RIMKLA: variants seen among roughly 807,000 people sequenced by gnomAD.
The protein encoded by RIMKLA is N-acetylaspartylglutamate synthase A.
RIMKLA carries 14 observed loss-of-function variants against 32.7 expected under a neutral mutation model. The ratio of observed to expected loss-of-function variants is 0.43; its 90% CI spans 0.28 to 0.67. The LOEUF (loss-of-function observed/expected upper bound fraction) is 0.67. RIMKLA is among the 30% of genes least tolerant of loss of function. The pLI is 0.18. For synonymous variants in RIMKLA, 176 were observed against 204.1 expected (o/e 0.86, Z 1.18); for missense variants, 410 against 519.0 (o/e 0.79, Z 2.04).
intron 1 of RIMKLA, 82 bp downstream of exon 1, chr1:42,381,179 T>TCCCGCAGCAGAGTCTCCTTCGGGCCC: frequency 9.2e-7 from 1 of 1,089,700 alleles, no homozygotes; most frequent in Non-Finnish European, 1.2e-6. Context: ...TCGCCGGGCC[T>TCCCGCAGCAGAGTCTCCTTCGGGCCC]CCCGCAGCAG....
At chr1:42,407,585 A>G (rs1643158730) in intron 3 of RIMKLA, among the ~76,000 whole-genome samples, 1 of 152,190 alleles carries the variant, frequency 6.6e-6, no homozygotes. Flanking sequence ...GAGCCTGTTC[A>G]TTCCCCCACT....
intron 4 of RIMKLA, 22 bp from the exon 5 acceptor site, chr1:42,414,462 C>T: frequency 6.2e-7 from 1 of 1,610,496 alleles, no homozygotes; most frequent in Non-Finnish European, 8.5e-7. Context: ...GTCACCTTTA[C>T]ATCACTGTGC....
intron 1 of RIMKLA, among the ~76,000 whole-genome samples, chr1:42,385,842 T>TC (rs1557749905): frequency 0.032 from 2,057 of 63,584 alleles, 345 homozygotes; most frequent in East Asian, 0.095. Flanking sequence ...CTTTCTTTCT[T>TC]TCTCTTTCTT....
In RIMKLA at chr1:42,380,982, CT is replaced by C; in HGVS notation, c.49del (p.Tyr17ThrfsTer42). 1 of 1,453,022 alleles carries C rather than the reference CT, an allele frequency of 6.9e-7. No homozygotes were observed. The highest frequency in any genetic ancestry group is 9.1e-7 in the Non-Finnish European group (1 of 1,102,894). 90.0% of individuals were successfully genotyped at this position (1,453,022 alleles called of 1,614,324 possible). On this transcript the variant is annotated frameshift_variant, in exon 1 of 5. Transcript: ENST00000431473. LOFTEE classifies it high-confidence loss of function. Reference protein sequence around the residue: ...FLTDRRIREDYPQVQILRALR... With the variant: ...FLTDRRIREDXPQVQILRALR... ...TGACGGACCGGCGCATCCGCGAGGA[CT>C]ACCCGCAGGTGCAGATCCTGCGCGC...
Position 42,385,840 on chromosome 1 carries a change from CTT to C in RIMKLA, c.163+4745_163+4746del, listed in dbSNP as rs56183304. ...CCTTCCTTCCTTCCTTTCTTTCTTT[CTT>C]TCTCTTTCTTTCTTTCTTTCTTTCT... is the stretch of plus-strand genomic sequence containing the variant. On this transcript the variant is annotated intron_variant, in intron 1 of 4. Coordinates refer to ENST00000431473, the MANE Select transcript of RIMKLA (RefSeq NM_173642.4). 6.3e-3 allele frequency among the ~76,000 whole-genome samples: 407 copies of C among 64,668 alleles called. 31 individuals are homozygous for C. The highest frequency in any genetic ancestry group is 0.026 in the East Asian group (88 of 3,440). 42.4% of individuals were successfully genotyped at this position (64,668 alleles called of 152,430 possible).
chr1:42,392,080 C>G (rs950767188), intron 1 of RIMKLA, among the ~76,000 whole-genome samples: 3 of 152,150 alleles, frequency 2.0e-5, no homozygotes, highest in African/African-American at 7.2e-5. Flanking sequence ...GATGCAATGT[C>G]TTACTATTGA....
At chr1:42,411,681 TA>T (rs1643199933) in intron 4 of RIMKLA, among the ~76,000 whole-genome samples, 1 of 106,456 alleles carries the variant, frequency 9.4e-6, no homozygotes, top group African/African-American at 3.4e-5. Flanking sequence ...TTTATTTATT[TA>T]TTTATTTTTG....
chr1:42,385,362 A>G (rs1460565849), intron 1 of RIMKLA, among the ~76,000 whole-genome samples: 1 of 152,182 alleles, frequency 6.6e-6, no homozygotes, highest in East Asian at 1.9e-4. Context: ...AGAAACAAGT[A>G]TAGTCACAAA....
At position 42,414,861 on chromosome 1, in the gene RIMKLA, C is replaced by T. The variant is rs140250649; in HGVS notation, c.1063C>T (p.Leu355=). 7.4e-6 allele frequency: 12 copies of T among 1,614,096 alleles called. No homozygotes were observed. The South Asian group carries it at 1.3e-4, about 18-fold the overall frequency. ...TACCTCTAGTGAAAGTGAGCCTGAA[C>T]TGGGAGAGATCCGGGATTCCTCAGC... The part of the protein sequence containing the change: ...GSTSSESEPE[L]GEIRDSSAST... The change falls in exon 5 of 5, where the codon CTG becomes TTG. Residue 355 remains leucine, a synonymous_variant. Transcript: ENST00000431473.
Position 42,422,148 on chromosome 1 carries a change from G to C in RIMKLA, c.*7174G>C, listed in dbSNP as rs966891771. 4 of 152,252 alleles carry C rather than the reference G, an allele frequency of 2.6e-5. No homozygotes were observed. Among genetic ancestry groups the C allele is most frequent in the African/African-American group, 9.6e-5 (4 of 41,472 alleles). The allele number at this position is 152,252 out of a possible 1,614,324, so 9.4% of individuals were successfully genotyped here. A position where few individuals can be genotyped will look rare whatever the true frequency, so the allele number is the denominator to read the frequency against. Reference sequence around the variant, plus strand: ...TACACGTGAGCACTGAAACATCTTAGTTCCAGGGAGGTAGCATTTGTGTTG... The same window carrying C: ...TACACGTGAGCACTGAAACATCTTACTTCCAGGGAGGTAGCATTTGTGTTG... On this transcript the variant is annotated 3_prime_UTR_variant, in exon 5 of 5. Coordinates refer to ENST00000431473, the MANE Select transcript of RIMKLA (RefSeq NM_173642.4).
At chr1:42,385,735 C>CT (rs748336108) in intron 1 of RIMKLA, among the ~76,000 whole-genome samples, 1 of 90,136 alleles carries the variant, frequency 1.1e-5, no homozygotes, top group Non-Finnish European at 2.2e-5. Flanking sequence ...TTCTTTCTTT[C>CT]TTTCTTTCTT....
At position 42,423,319 on chromosome 1, in the gene RIMKLA, C is replaced by T. The variant is rs924068875; in HGVS notation, c.*8345C>T. ...CTTTCTTCTTCTCTTACATGAAAAT[C>T]GTCAAACTACACAAAAGTGGAGAGA... On this transcript the variant is annotated 3_prime_UTR_variant, in exon 5 of 5. Coordinates refer to ENST00000431473, the MANE Select transcript of RIMKLA (RefSeq NM_173642.4). Among the ~76,000 whole-genome samples, 5 of 152,166 alleles carry T rather than the reference C, an allele frequency of 3.3e-5. No individual in the cohort carries two copies. Among genetic ancestry groups the T allele is most frequent in the African/African-American group, 7.2e-5 (3 of 41,438 alleles).
chr1:42,410,795 A>G (rs7412080), intron 4 of RIMKLA, among the ~76,000 whole-genome samples: 2,991 of 151,814 alleles, frequency 0.02, 100 homozygotes, highest in African/African-American at 0.067. Flanking sequence ...GCTATTGTCA[A>G]CCTCACTGAA....
At chr1:42,405,012 C>T (rs1404302510) in intron 3 of RIMKLA, among the ~76,000 whole-genome samples, 1 of 152,208 alleles carries the variant, frequency 6.6e-6, no homozygotes, top group African/African-American at 2.4e-5. Context: ...TTGCAGCTGT[C>T]TCTGGCCACA....
rs1451288696 is a variant in RIMKLA at position 42,417,298 on chromosome 1, TAGAAGTGG to T, written c.*2329_*2336del. The T allele has an allele frequency of 6.6e-6, 1 of 152,258 alleles. No homozygotes were observed. Among genetic ancestry groups the T allele is most frequent in the Non-Finnish European group, 1.5e-5 (1 of 68,072 alleles). The allele number at this position is 152,258 out of a possible 1,614,324, so 9.4% of individuals were successfully genotyped here. ...TTCATTGCCTGGCACTAGCCCTGTCTAGAAGTGGAGAAAGCTGGATCACAGCTGGACCA... is the reference window on the plus strand; with the variant it reads ...TTCATTGCCTGGCACTAGCCCTGTCTAGAAAGCTGGATCACAGCTGGACCA... On this transcript the variant is annotated 3_prime_UTR_variant, in exon 5 of 5. Coordinates refer to ENST00000431473, the MANE Select transcript of RIMKLA (RefSeq NM_173642.4).
At chr1:42,383,579 G>GA (rs1357955099) in intron 1 of RIMKLA, among the ~76,000 whole-genome samples, 5 of 150,770 alleles carry the variant, frequency 3.3e-5, no homozygotes, top group Admixed American at 6.6e-5. Flanking sequence ...AGTATTTCTC[G>GA]AAAAAAAAAT....
At chr1:42,414,454 C>T in intron 4 of RIMKLA, 30 bp from the exon 5 acceptor site, 1 of 1,605,356 alleles carries the variant, frequency 6.2e-7, no homozygotes, top group South Asian at 1.1e-5. Flanking sequence ...TCTCAGTTGT[C>T]ACCTTTACAT....
At chr1:42,407,960 C>T (rs961186033) in intron 3 of RIMKLA, among the ~76,000 whole-genome samples, 5 of 152,110 alleles carry the variant, frequency 3.3e-5, no homozygotes, top group African/African-American at 7.2e-5. Context: ...CTTCTGTACC[C>T]GAAACCAAGA....
chr1:42,408,040 T>C lies in RIMKLA; in HGVS notation c.482-1944T>C, dbSNP rs188179881. 2.0e-5 allele frequency among the ~76,000 whole-genome samples: 3 copies of C among 152,318 alleles called. No homozygotes were observed. The East Asian group carries it at 5.8e-4, about 29-fold the overall frequency. On this transcript the variant is annotated intron_variant, in intron 3 of 4. Coordinates refer to ENST00000431473, the MANE Select transcript of RIMKLA (RefSeq NM_173642.4). ...CCTAATGTCCGGAGAACCCAGTGCA[T>C]ATACCTGAATCCCAGCCATCTGTTG...
Sources: gnomAD v4.1 joint callset for allele counts (sites outside exome capture counted in the v4.1 genomes callset) on GRCh38, gnomAD v4.1.1 for gene constraint, MANE v1.5 for transcripts, NCBI Gene and HGNC (gene_info 2026-07-23, HGNC 2026-07-21) for gene names.